The following CTNNA3 variants were observed in gnomAD, a reference collection of about 807,000 sequenced individuals.
CTNNA3 encodes the protein catenin alpha 3.
A neutral mutation model predicts 95.7 loss-of-function variants in CTNNA3; 76 were observed. The observed-to-expected ratio is 0.79, with a 90% confidence interval of 0.66 to 0.96. The LOEUF (loss-of-function observed/expected upper bound fraction) is 0.96. Among genes scored for constraint, CTNNA3 ranks in the 40% least tolerant of loss-of-function variants. The probability of loss-of-function intolerance (pLI) is 0.00; values close to 1 mark genes in which losing one functional copy is unlikely to be tolerated. For synonymous variants in CTNNA3, 431 were observed against 374.4 expected (o/e 1.15, Z -1.74); for missense variants, 1,191 against 1,089.8 (o/e 1.09, Z -1.31).
chr10:66,984,762 G>A (rs531619364), intron 7 of CTNNA3, among the ~76,000 whole-genome samples: 8 of 152,164 alleles, frequency 5.3e-5, no homozygotes, highest in South Asian at 2.1e-4. Flanking sequence ...AAAGGAAAAC[G>A]AAAATTTAAA....
intron 7 of CTNNA3, among the ~76,000 whole-genome samples, chr10:67,138,603 T>C (rs187781458): frequency 3.5e-4 from 54 of 152,338 alleles, no homozygotes; most frequent in Admixed American, 2.8e-3. Flanking sequence ...AAAATAAAGC[T>C]ATTTAAAGTA....
At chr10:67,420,568 AAT>A (rs1365381352) in intron 5 of CTNNA3, among the ~76,000 whole-genome samples, 1 of 152,226 alleles carries the variant, frequency 6.6e-6, no homozygotes, top group East Asian at 1.9e-4. Flanking sequence ...TCAATGGGCT[AAT>A]ACATGTAACA....
intron 17 of CTNNA3, among the ~76,000 whole-genome samples, chr10:65,956,374 G>A (rs1589171218): frequency 6.6e-6 from 1 of 151,986 alleles, no homozygotes; most frequent in East Asian, 1.9e-4. Context: ...AGGGTTTTTT[G>A]TGTCTCTGTT....
At chr10:66,774,403 C>T (rs912812744) in intron 8 of CTNNA3, among the ~76,000 whole-genome samples, 21 of 152,180 alleles carry the variant, frequency 1.4e-4, no homozygotes, top group East Asian at 1.9e-4. Context: ...TCATTTGCAT[C>T]GTAAGACAGG....
intron 15 of CTNNA3, among the ~76,000 whole-genome samples, chr10:66,054,759 G>C (rs1338275401): frequency 6.6e-6 from 1 of 151,996 alleles, no homozygotes; most frequent in Non-Finnish European, 1.5e-5. Flanking sequence ...TATTTTCTTT[G>C]GTTGCCTGTG....
At chr10:65,981,117 C>T (rs1265731546) in intron 16 of CTNNA3, among the ~76,000 whole-genome samples, 1 of 151,988 alleles carries the variant, frequency 6.6e-6, no homozygotes, top group Non-Finnish European at 1.5e-5. Flanking sequence ...CAAGAATCTC[C>T]TAGAACTGGT....
chr10:67,633,633 C>A (rs1839215530), intron 2 of CTNNA3, among the ~76,000 whole-genome samples: 1 of 152,150 alleles, frequency 6.6e-6, no homozygotes, highest in African/African-American at 2.4e-5. Context: ...CAAACCACAG[C>A]AGCCCAACAG....
chr10:66,089,146 T>C (rs748367947), intron 14 of CTNNA3, among the ~76,000 whole-genome samples: 3 of 151,986 alleles, frequency 2.0e-5, no homozygotes, highest in Non-Finnish European at 4.4e-5. Context: ...GGAACATCCT[T>C]TACCATCCTA....
chr10:66,077,558 C>T (rs2080592756), intron 14 of CTNNA3, among the ~76,000 whole-genome samples: 1 of 151,756 alleles, frequency 6.6e-6, no homozygotes, highest in South Asian at 2.1e-4. Context: ...AGACTCATGA[C>T]CTCCAGAAGT....
intron 10 of CTNNA3, among the ~76,000 whole-genome samples, chr10:66,600,976 A>T (rs1419900166): frequency 6.6e-6 from 1 of 151,892 alleles, no homozygotes; most frequent in Non-Finnish European, 1.5e-5. Context: ...TTAGTGTTCA[A>T]ATCCTAAAGC....
At chr10:67,016,367 C>T (rs915474676) in intron 7 of CTNNA3, among the ~76,000 whole-genome samples, 4 of 152,014 alleles carry the variant, frequency 2.6e-5, no homozygotes, top group East Asian at 1.9e-4. Flanking sequence ...GTTCTTCCCT[C>T]GTTTCTTTTT....
chr10:66,644,274 CTGT>C (rs1845616144), intron 9 of CTNNA3, among the ~76,000 whole-genome samples: 1 of 98,572 alleles, frequency 1.0e-5, no homozygotes, highest in African/African-American at 5.2e-5. Flanking sequence ...GTCTGTCTGT[CTGT>C]CTGTCTGTCT....
chr10:67,699,218 AACAT>A (rs564838125), upstream of CTNNA3, among the ~76,000 whole-genome samples: 7 of 152,174 alleles, frequency 4.6e-5, no homozygotes, highest in South Asian at 1.5e-3. Flanking sequence ...AAACAAACAA[AACAT>A]ACTTTTACCC....
chr10:66,075,668 G>A (rs1049453929), intron 14 of CTNNA3, among the ~76,000 whole-genome samples: 1 of 151,648 alleles, frequency 6.6e-6, no homozygotes, highest in Non-Finnish European at 1.5e-5. Flanking sequence ...GAAATATAGC[G>A]CCATTATAAT....
At chr10:67,022,394 A>G (rs1229643188) in intron 7 of CTNNA3, among the ~76,000 whole-genome samples, 1 of 152,102 alleles carries the variant, frequency 6.6e-6, no homozygotes, top group Non-Finnish European at 1.5e-5. Context: ...CACATATTAT[A>G]GAGAAGTAGA....
chr10:67,355,433 A>G (rs1358077353), intron 5 of CTNNA3, among the ~76,000 whole-genome samples: 1 of 152,048 alleles, frequency 6.6e-6, no homozygotes, highest in African/African-American at 2.4e-5. Flanking sequence ...TAACCCTACA[A>G]AACAAAAAAG....
intron 3 of CTNNA3, among the ~76,000 whole-genome samples, chr10:67,573,830 T>C (rs1291951725): frequency 6.6e-6 from 1 of 152,094 alleles, no homozygotes; most frequent in Non-Finnish European, 1.5e-5. Context: ...CAAATGCTGA[T>C]AATCTCATTA....
chr10:66,998,789 A>G (rs1851514062), intron 7 of CTNNA3, among the ~76,000 whole-genome samples: 1 of 152,154 alleles, frequency 6.6e-6, no homozygotes, highest in African/African-American at 2.4e-5. Context: ...CTTATAACTG[A>G]TACATCAGGC....
chr10:66,271,652 T>C (rs1005069753), intron 13 of CTNNA3, among the ~76,000 whole-genome samples: 3 of 152,174 alleles, frequency 2.0e-5, no homozygotes, highest in Non-Finnish European at 4.4e-5. Flanking sequence ...CAAAGGGAGA[T>C]GCTTGGCTCC....
Sources: gnomAD v4.1 joint callset for allele counts (sites outside exome capture counted in the v4.1 genomes callset) on GRCh38, gnomAD v4.1.1 for gene constraint, MANE v1.5 for transcripts, NCBI Gene and HGNC (gene_info 2026-07-23, HGNC 2026-07-21) for gene names.